Variants in DCC observed in about 807,000 individuals in gnomAD.
DCC encodes netrin receptor DCC.
A neutral mutation model predicts 172.5 loss-of-function variants in DCC; 58 were observed. The ratio of observed to expected loss-of-function variants is 0.34; its 90% CI spans 0.27 to 0.42. The LOEUF (loss-of-function observed/expected upper bound fraction) is 0.42, where lower values mean the gene tolerates loss of function less well. Ranked by LOEUF, DCC falls within the 10% of genes least tolerant of loss-of-function variation. DCC has a pLI of 1.00. For synonymous variants in DCC, 709 were observed against 644.5 expected, an observed-to-expected ratio of 1.10 and a Z score of -1.52; for missense variants, 1,740 against 1,791.0, an observed-to-expected ratio of 0.97 and a Z score of 0.51.
At chr18:52,991,106 G>A (rs1599006284) in intron 5 of DCC, among the ~76,000 whole-genome samples, 1 of 152,104 alleles carries the variant, frequency 6.6e-6, no homozygotes, top group South Asian at 2.1e-4. Context: ...CATATGGCTC[G>A]ATTGTGGACC....
intron 7 of DCC, among the ~76,000 whole-genome samples, chr18:53,086,042 CCCTCTCCTTCTCCTTCTCCTTCTCCCT>C (rs757862625): frequency 0.49 from 579 of 1,174 alleles, 203 homozygotes; most frequent in Admixed American, 0.55. Context: ...CTCTCCCTCT[CCCTCTCCTTCTCCTTCTCCTTCTCCCT>C]CTCCTCCTCC....
chr18:53,448,728 C>T (rs544547697), intron 22 of DCC, among the ~76,000 whole-genome samples: 29 of 152,260 alleles, frequency 1.9e-4, no homozygotes, highest in Non-Finnish European at 3.5e-4. Context: ...TGGCACATGC[C>T]TGTAATCCCA....
At chr18:52,986,754 A>G (rs887634081) in intron 5 of DCC, among the ~76,000 whole-genome samples, 2 of 151,964 alleles carry the variant, frequency 1.3e-5, no homozygotes, top group African/African-American at 4.8e-5. Context: ...ATACACACAC[A>G]CGTGTAGTAT....
chr18:53,046,463 C>A (rs2042239092), intron 5 of DCC, among the ~76,000 whole-genome samples: 1 of 123,894 alleles, frequency 8.1e-6, no homozygotes, highest in Admixed American at 7.8e-5. Flanking sequence ...ATGTTAGACT[C>A]AGAATTTTAA....
intron 5 of DCC, among the ~76,000 whole-genome samples, chr18:52,999,382 C>A (rs1384438004): frequency 1.3e-5 from 2 of 151,808 alleles, no homozygotes; most frequent in African/African-American, 2.4e-5. Flanking sequence ...GTTAAATAAC[C>A]CTTGGGATAG....
At chr18:52,432,242 A>G (rs1034414759) in intron 1 of DCC, among the ~76,000 whole-genome samples, 3 of 152,042 alleles carry the variant, frequency 2.0e-5, no homozygotes, top group Non-Finnish European at 2.9e-5. Context: ...TCTCATGATC[A>G]GGAGTGGAGA....
chr18:52,938,669 T>C (rs2040417126), intron 5 of DCC, among the ~76,000 whole-genome samples: 1 of 152,226 alleles, frequency 6.6e-6, no homozygotes, highest in South Asian at 2.1e-4. Context: ...ACATATATAA[T>C]ACATATGAAA....
At chr18:52,709,760 C>G (rs749606421) in intron 1 of DCC, among the ~76,000 whole-genome samples, 1 of 152,000 alleles carries the variant, frequency 6.6e-6, no homozygotes, top group Non-Finnish European at 1.5e-5. Flanking sequence ...AAATGGACTT[C>G]GAAACCATTA....
intron 27 of DCC, among the ~76,000 whole-genome samples, chr18:53,523,726 G>T (rs1053990503): frequency 3.3e-5 from 5 of 152,068 alleles, no homozygotes; most frequent in African/African-American, 7.2e-5. Flanking sequence ...CATGGACACA[G>T]GGAGGAGAAC....
chr18:52,509,272 T>C (rs1230548857), intron 1 of DCC, among the ~76,000 whole-genome samples: 9 of 152,208 alleles, frequency 5.9e-5, no homozygotes, highest in Admixed American at 1.3e-4. Context: ...TTGATAGATT[T>C]TGAACTGATA....
intron 15 of DCC, among the ~76,000 whole-genome samples, chr18:53,360,746 G>A (rs1388405494): frequency 5.3e-5 from 8 of 152,218 alleles, no homozygotes; most frequent in African/African-American, 1.2e-4. Flanking sequence ...TCTTTGTGCC[G>A]ATAGCATAGA....
At chr18:53,359,045 C>T (rs564554404) in intron 15 of DCC, among the ~76,000 whole-genome samples, 6 of 151,960 alleles carry the variant, frequency 3.9e-5, no homozygotes, top group South Asian at 2.1e-4. Flanking sequence ...CCTCATGGGA[C>T]GATATGTTAT....
chr18:53,108,550 T>C (rs986864132), intron 7 of DCC, among the ~76,000 whole-genome samples: 1 of 151,832 alleles, frequency 6.6e-6, no homozygotes, highest in African/African-American at 2.4e-5. Flanking sequence ...TACATAAAAA[T>C]AAATTTCTTT....
At chr18:52,808,402 CTT>C (rs11382141) in intron 2 of DCC, among the ~76,000 whole-genome samples, 28 of 146,090 alleles carry the variant, frequency 1.9e-4, no homozygotes, top group African/African-American at 4.3e-4. Context: ...CAAGATTTGG[CTT>C]TTTTTTTTTT....
intron 1 of DCC, among the ~76,000 whole-genome samples, chr18:52,629,127 G>T (rs1367571227): frequency 6.6e-6 from 1 of 152,154 alleles, no homozygotes; most frequent in Non-Finnish European, 1.5e-5. Flanking sequence ...GAAGAAATTT[G>T]AATTAATCAG....
chr18:53,267,321 G>A (rs2056691343), intron 12 of DCC, among the ~76,000 whole-genome samples: 1 of 151,886 alleles, frequency 6.6e-6, no homozygotes, highest in Admixed American at 6.6e-5. Flanking sequence ...TGAGTAGCTG[G>A]GATTATAGGT....
chr18:53,508,211 T>C (rs1281940633), intron 27 of DCC, among the ~76,000 whole-genome samples: 1 of 144,882 alleles, frequency 6.9e-6, no homozygotes, highest in South Asian at 2.2e-4. Flanking sequence ...ATTTTTTTTT[T>C]AGACAGTCTC....
At chr18:53,153,111 T>G (rs2054669558) in intron 7 of DCC, among the ~76,000 whole-genome samples, 1 of 152,212 alleles carries the variant, frequency 6.6e-6, no homozygotes, top group African/African-American at 2.4e-5. Context: ...GAGATGCTCT[T>G]GGAGGAAAAA....
At chr18:52,717,020 T>C (rs1361734308) in intron 1 of DCC, among the ~76,000 whole-genome samples, 1 of 152,188 alleles carries the variant, frequency 6.6e-6, no homozygotes. Context: ...ATGTTCTGCC[T>C]ATTCATCTGT....
Sources: gnomAD v4.1 joint callset for allele counts (sites outside exome capture counted in the v4.1 genomes callset) on GRCh38, gnomAD v4.1.1 for gene constraint, MANE v1.5 for transcripts, NCBI Gene and HGNC (gene_info 2026-07-23, HGNC 2026-07-21) for gene names.